The following TMEM145 variants were observed in gnomAD, a reference collection of about 807,000 sequenced individuals.
TMEM145 encodes the protein transmembrane protein 145.
Under a neutral mutation model 68.5 loss-of-function variants are expected in TMEM145, and 46 were observed. The observed-to-expected ratio is 0.67, with a 90% CI of 0.53 to 0.86. The LOEUF is 0.86. Among genes scored for constraint, TMEM145 ranks in the 40% least tolerant of loss-of-function variants. The pLI, the probability that TMEM145 is intolerant of heterozygous loss-of-function variation, is 0.00. For synonymous variants in TMEM145, 255 were observed against 280.2 expected, an observed-to-expected ratio of 0.91 and a Z score of 0.90; for missense variants, 570 against 645.8, an observed-to-expected ratio of 0.88 and a Z score of 1.27.
At chr19:42,324,018 G>A (rs1263286571) in intron 14 of TMEM145, among the ~76,000 whole-genome samples, 2 of 151,072 alleles carry the variant, frequency 1.3e-5, no homozygotes, top group African/African-American at 2.4e-5. Context: ...GACTCCCTGC[G>A]CCGTGCCCCC....
At chr19:42,321,137 C>T (rs1034301401) in intron 13 of TMEM145, 1 of 398,834 alleles carries the variant, frequency 2.5e-6, no homozygotes, top group East Asian at 3.6e-5. Context: ...TCTGCCATCA[C>T]AGGCCACTGT....
chr19:42,317,937 G>A, intron 12 of TMEM145, 56 bp downstream of exon 12: 2 of 1,596,450 alleles, frequency 1.3e-6, no homozygotes, highest in Non-Finnish European at 8.6e-7. Context: ...CTCCCCAGAA[G>A]TGGTTGCCCC....
chr19:42,323,486 G>A (rs2038930100), intron 13 of TMEM145, 97 bp from the exon 14 acceptor site: 4 of 1,166,858 alleles, frequency 3.4e-6, no homozygotes, highest in Non-Finnish European at 4.9e-6. Flanking sequence ...AAGTGTGGTG[G>A]ATGTCAACTG....
intron 13 of TMEM145, chr19:42,321,392 T>C (rs1394467655): frequency 5.9e-6 from 2 of 338,142 alleles, no homozygotes; most frequent in African/African-American, 4.5e-5. Flanking sequence ...AGTGGTTTTT[T>C]TTTTTTTTTT....
Position 42,324,885 on chromosome 19 carries a change from G to C in TMEM145, c.*68G>C, listed in dbSNP as rs1211406062. On this transcript the variant is annotated 3_prime_UTR_variant, in exon 15 of 15. Transcript: ENST00000301204. The stretch of plus-strand genomic sequence containing the variant: ...TGCCTGTGACTCTCCAGGACTCTGC[G>C]ACCCCGGGATGGATATTGCGATGCT... 2 of 1,413,506 alleles carry C rather than the reference G, an allele frequency of 1.4e-6. No individual in the cohort carries two copies. Among genetic ancestry groups the C allele is most frequent in the East Asian group, 2.8e-5 (1 of 35,230 alleles). The allele number at this position is 1,413,506 out of a possible 1,614,324, so 87.6% of individuals were successfully genotyped here.
intron 9 of TMEM145, 26 bp downstream of exon 9, chr19:42,316,587 G>T: frequency 6.2e-7 from 1 of 1,614,024 alleles, no homozygotes; most frequent in Non-Finnish European, 8.5e-7. Flanking sequence ...GGTGGGGAGA[G>T]GGTGGAGCCC....
At chr19:42,317,967 G>T (rs1424241268) in intron 12 of TMEM145, 86 bp downstream of exon 12, 7 of 1,451,166 alleles carry the variant, frequency 4.8e-6, no homozygotes, top group Non-Finnish European at 6.7e-6. Context: ...ACCCTCCATA[G>T]TGAGGGAGAT....
At chr19:42,321,299 A>C in intron 13 of TMEM145, 1 of 383,778 alleles carries the variant, frequency 2.6e-6, no homozygotes, top group South Asian at 1.4e-4. Flanking sequence ...ATCTTGGCTC[A>C]CTGCAACCTC....
Position 42,320,297 on chromosome 19 carries a change from A to T in TMEM145, c.1074-20A>T. The T allele has an allele frequency of 1.2e-6, 2 of 1,613,270 alleles. No individual in the cohort carries two copies. The highest frequency in any genetic ancestry group is 1.7e-6 in the Non-Finnish European group (2 of 1,179,956). On this transcript the variant is annotated intron_variant, in intron 12 of 14. Transcript: ENST00000301204. ...GAGGACAGGAGCAGTGTCTCTACTG[A>T]CCCAATACTTCCCCTTCAGGTTCTT...
rs2038861042 is a variant in TMEM145 at position 42,316,682 on chromosome 19, A to G, written c.748A>G (p.Ser250Gly). The G allele has an allele frequency of 1.2e-6, 2 of 1,613,378 alleles. No homozygotes were observed. Residue 250 changes from serine to glycine, a missense_variant, in exon 10 of 15, where the codon AGC becomes GGC. Ser to Gly is a moderately conservative substitution (Grantham distance 56). Transcript: ENST00000301204. Reference sequence around the variant, plus strand: ...CCCAGCCAAGCTGCTCTTCTCCTCCAGCTTCCTCATCTTCCTGCTGATGCT... The same window carrying G: ...CCCAGCCAAGCTGCTCTTCTCCTCCGGCTTCCTCATCTTCCTGCTGATGCT... ...KILAKLLFSS[S>G]FLIFLLMLIL...
rs1385392961 is a variant in TMEM145, at chr19:42,323,618, C to T, written c.1230C>T (p.Phe410=). The T allele has an allele frequency of 6.2e-7, 1 of 1,614,202 alleles. No individual in the cohort carries two copies. Among genetic ancestry groups the T allele is most frequent in the South Asian group, 1.1e-5 (1 of 91,086 alleles). ...MTRPSAANKN[F]PYHVRTSQIA... ...GCCCATCAGCGGCCAACAAGAACTT[C>T]CCGTACCACGTGCGCACGTCGCAGA... The change falls in exon 14 of 15, where the codon TTC becomes TTT. Residue 410 remains phenylalanine (F), a synonymous_variant. Coordinates refer to ENST00000301204, the MANE Select transcript of TMEM145 (RefSeq NM_173633.3).
chr19:42,317,954 C>G, intron 12 of TMEM145, 73 bp downstream of exon 12: 1 of 1,534,634 alleles, frequency 6.5e-7, no homozygotes, highest in Non-Finnish European at 9.0e-7. Flanking sequence ...CCCCCCATCT[C>G]AGACCCTCCA....
At chr19:42,323,006 A>G (rs1296657927) in intron 13 of TMEM145, among the ~76,000 whole-genome samples, 1 of 152,154 alleles carries the variant, frequency 6.6e-6, no homozygotes, top group Non-Finnish European at 1.5e-5. Flanking sequence ...TTGCCCACCA[A>G]TATTTACTGA....
At chr19:42,318,192 C>A (rs953637451) in intron 12 of TMEM145, among the ~76,000 whole-genome samples, 2 of 150,618 alleles carry the variant, frequency 1.3e-5, no homozygotes, top group African/African-American at 4.9e-5. Flanking sequence ...ATGGTGAAAC[C>A]CCGTCTCTAC....
rs1452512979 is a variant in TMEM145, at chr19:42,316,525, A to G, written c.691A>G (p.Thr231Ala). Residue 231 changes from threonine (T) to alanine (A), a missense_variant, in exon 9 of 15, where the codon ACC becomes GCC. Thr to Ala is a moderately conservative substitution (Grantham distance 58, BLOSUM62 0). Transcript: ENST00000301204. The stretch of plus-strand genomic sequence containing the variant: ...CTGCATCTACTGGGGTCAATATGCC[A>G]CCGATGGCATTGGCAACGAGAGTGT... ...FFCIYWGQYATDGIGNESVKI... is the reference protein window; with the variant it reads ...FFCIYWGQYAADGIGNESVKI... The G allele has an allele frequency of 6.2e-7, 1 of 1,614,164 alleles. No individual in the cohort carries two copies. The highest frequency in any genetic ancestry group is 1.1e-5 in the South Asian group (1 of 91,090).
chr19:42,320,231 G>C lies in TMEM145; in HGVS notation c.1074-86G>C, dbSNP rs60022386. The C allele has an allele frequency of 4.1e-4, 649 of 1,571,842 alleles. 3 individuals carry two copies. The African/African-American group carries it at 7.7e-3, about 19-fold the overall frequency. On this transcript the variant is annotated intron_variant, in intron 12 of 14. Coordinates refer to ENST00000301204, the MANE Select transcript of TMEM145 (RefSeq NM_173633.3). ...AGTTTGGGACCTGCCTGGGGTCTGC[G>C]TGTGTACATGGCAGGCGAGGTGGGG...
chr19:42,314,543 G>C lies in TMEM145; in HGVS notation c.273+15G>C. The stretch of plus-strand genomic sequence containing the variant: ...CAGGGGACAAGGTGAGGGCTGTGAA[G>C]AGGGCATAGGGGGAGAGGGGAGAAG... On this transcript the variant is annotated intron_variant, in intron 3 of 14. Transcript: ENST00000301204. 6.2e-7 allele frequency: 1 copy of C among 1,614,196 alleles called. No homozygotes were observed. Among genetic ancestry groups the C allele is most frequent in the South Asian group, 1.1e-5 (1 of 91,086 alleles).
intron 13 of TMEM145, among the ~76,000 whole-genome samples, chr19:42,323,038 G>T (rs779361907): frequency 3.9e-4 from 60 of 152,188 alleles, no homozygotes; most frequent in Non-Finnish European, 7.2e-4. Flanking sequence ...CGCCAGGCAT[G>T]GTTCTAGAAG....
intron 13 of TMEM145, chr19:42,321,321 T>C (rs1415816852): frequency 1.3e-5 from 5 of 390,244 alleles, no homozygotes; most frequent in Admixed American, 4.5e-5. Context: ...ACCTCCCAGG[T>C]TCTCCTGCCT....
Sources: gnomAD v4.1 joint callset for allele counts (sites outside exome capture counted in the v4.1 genomes callset) on GRCh38, gnomAD v4.1.1 for gene constraint, MANE v1.5 for transcripts, NCBI Gene and HGNC (gene_info 2026-07-23, HGNC 2026-07-21) for gene names.